STYXL2: variants seen among roughly 807,000 people sequenced by gnomAD.
The protein encoded by STYXL2 is serine/threonine/tyrosine-interacting-like protein 2.
Under a neutral mutation model 52.4 loss-of-function variants are expected in STYXL2, and 44 were observed. The observed-to-expected ratio is 0.84, with a 90% CI of 0.66 to 1.08. The LOEUF (loss-of-function observed/expected upper bound fraction) is 1.08. Ranked by LOEUF, STYXL2 falls within the 50% of genes least tolerant of loss-of-function variation. STYXL2 has a pLI of 0.00. For missense variants in STYXL2, 1,604 were observed against 1,471.7 expected (o/e 1.09, Z -1.47); for synonymous variants, 604 against 586.9 (o/e 1.03, Z -0.42).
Position 167,125,967 on chromosome 1 carries a change from TGGA to T in STYXL2, c.841_843del (p.Glu281del). 3 of 1,613,366 alleles carry T rather than the reference TGGA, an allele frequency of 1.9e-6. No homozygotes were observed. Among genetic ancestry groups the T allele is most frequent in the Non-Finnish European group, 2.5e-6 (3 of 1,179,820 alleles). ...CTGCGGGAGCTCAATGAGAAGTTGATGGAGGAGAGAGAAGAGGACTATGGCCGG... is the reference window on the plus strand; with the variant it reads ...CTGCGGGAGCTCAATGAGAAGTTGATGGAGAGAGAAGAGGACTATGGCCGG... On this transcript the variant is annotated inframe_deletion, in exon 6 of 6. Transcript: ENST00000361200.
intron 2 of STYXL2, among the ~76,000 whole-genome samples, chr1:167,096,666 C>T (rs1008675197): frequency 6.6e-6 from 1 of 152,150 alleles, no homozygotes; most frequent in Non-Finnish European, 1.5e-5. Context: ...CATATTCTAT[C>T]GTCTAGAACT....
chr1:167,105,129 C>T (rs1341943656), intron 2 of STYXL2, among the ~76,000 whole-genome samples: 1 of 151,620 alleles, frequency 6.6e-6, no homozygotes, highest in Non-Finnish European at 1.5e-5. Context: ...TGCCTTCCTT[C>T]CCTCCCTCCC....
At chr1:167,122,458 T>G (rs911879535) in intron 5 of STYXL2, among the ~76,000 whole-genome samples, 3 of 151,960 alleles carry the variant, frequency 2.0e-5, no homozygotes, top group African/African-American at 7.3e-5. Context: ...GTACCCTGAG[T>G]TCCATCAGCA....
In STYXL2 at chr1:167,127,186, C is replaced by T. The variant is rs773833411; in HGVS notation, c.2055C>T (p.Arg685=). ...CAGTACTGAGCACCCAGAGCCACCG[C>T]TCCCACCTGTCTCAGGCTGCAAGCA... is the stretch of plus-strand genomic sequence containing the variant. ...TTSVLSTQSH[R]SHLSQAASNI... Residue 685 remains arginine (R), a synonymous_variant, in exon 6 of 6, where the codon CGC becomes CGT. Transcript: ENST00000361200. 4.3e-6 allele frequency: 7 copies of T among 1,614,176 alleles called. No individual in the cohort carries two copies. In the East Asian group the frequency reaches 1.1e-4, roughly 26 times the overall value.
intron 5 of STYXL2, among the ~76,000 whole-genome samples, chr1:167,122,634 C>A (rs1667881193): frequency 6.6e-6 from 1 of 152,016 alleles, no homozygotes; most frequent in Non-Finnish European, 1.5e-5. Flanking sequence ...CTGATGCTCT[C>A]CCCAGTAGCT....
chr1:167,127,554 C>G lies in STYXL2; in HGVS notation c.2423C>G (p.Pro808Arg), dbSNP rs781424729. The G allele has an allele frequency of 1.2e-6, 2 of 1,613,908 alleles. No homozygotes were observed. Among genetic ancestry groups the G allele is most frequent in the African/African-American group, 2.7e-5 (2 of 74,888 alleles). Reference protein sequence around the residue: ...VLSCNTTLSSPAESCRSKVRG... With the variant: ...VLSCNTTLSSRAESCRSKVRG... ...TCCTGCAACACCACACTGAGCTCAC[C>G]CGCGGAAAGTTGCAGAAGCAAAGTG... is the stretch of plus-strand genomic sequence containing the variant. The change falls in exon 6 of 6, where the codon CCC becomes CGC. Residue 808 changes from proline to arginine, a missense_variant. Transcript: ENST00000361200.
chr1:167,122,060 G>A (rs1225549345), intron 5 of STYXL2, among the ~76,000 whole-genome samples: 3 of 152,118 alleles, frequency 2.0e-5, no homozygotes, highest in Non-Finnish European at 4.4e-5. Flanking sequence ...ATCACAAAGA[G>A]CCTATGAGGG....
Position 167,128,022 on chromosome 1 carries a change from G to A in STYXL2, c.2891G>A (p.Arg964Lys), listed in dbSNP as rs769537426. ...GGAAGTTCCAGAGGGAAGTACACCA[G>A]ATCGTCCCTGCTCAGGGAGACAGAG... Reference protein sequence around the residue: ...WSGSSRGKYTRSSLLRETESK... With the variant: ...WSGSSRGKYTKSSLLRETESK... Residue 964 changes from arginine to lysine, a missense_variant, in exon 6 of 6, where the codon AGA (arginine) becomes AAA (lysine). By Grantham distance (26) the Arg-to-Lys change is conservative. Transcript: ENST00000361200. The A allele has an allele frequency of 2.0e-5, 32 of 1,614,084 alleles. No individual in the cohort carries two copies. Among genetic ancestry groups the A allele is most frequent in the Non-Finnish European group, 2.6e-5 (31 of 1,180,046 alleles).
At position 167,129,004 on chromosome 1, in the gene STYXL2, A is replaced by G. The variant is rs747121932; in HGVS notation, c.*396A>G. On this transcript the variant is annotated 3_prime_UTR_variant, in exon 6 of 6. Transcript: ENST00000361200. ...GAACATAGGACACGCTTCTGTCTGT[A>G]GAGGCTTCATATGAGACCCAGAAAG... 8.6e-5 allele frequency: 15 copies of G among 174,200 alleles called. No homozygotes were observed. Among genetic ancestry groups the G allele is most frequent in the Non-Finnish European group, 1.5e-4 (12 of 81,234 alleles). 10.8% of individuals were successfully genotyped at this position (174,200 alleles called of 1,614,324 possible). A position where few individuals can be genotyped will look rare whatever the true frequency, so the allele number is the denominator to read the frequency against.
chr1:167,127,492 C>G lies in STYXL2; in HGVS notation c.2361C>G (p.Ser787Arg), dbSNP rs1558028573. 1 of 1,613,946 alleles carries G rather than the reference C, an allele frequency of 6.2e-7. No individual in the cohort carries two copies. The highest frequency in any genetic ancestry group is 8.5e-7 in the Non-Finnish European group (1 of 1,180,018). The part of the protein sequence containing the change: ...SSLGGCLLPQ[S>R]QARPSSDMQS... Reference sequence around the variant, plus strand: ...TGGGTGGCTGCCTGTTGCCTCAGAGCCAGGCAAGACCCAGCTCTGACATGC... The same window carrying G: ...TGGGTGGCTGCCTGTTGCCTCAGAGGCAGGCAAGACCCAGCTCTGACATGC... Residue 787 changes from serine (S) to arginine (R), a missense_variant, in exon 6 of 6, where the codon AGC (serine) becomes AGG (arginine). By Grantham distance (110) the Ser-to-Arg change is moderately radical. Coordinates refer to ENST00000361200, the MANE Select transcript of STYXL2 (RefSeq NM_001080426.3).
At chr1:167,113,826 T>G in intron 3 of STYXL2, 22 bp downstream of exon 3, 1 of 1,593,862 alleles carries the variant, frequency 6.3e-7, no homozygotes, top group South Asian at 1.1e-5. Flanking sequence ...AAAAGCTGGG[T>G]GGAAGCAAAG....
At chr1:167,116,814 G>T (rs1213344891) in intron 3 of STYXL2, among the ~76,000 whole-genome samples, 1 of 151,998 alleles carries the variant, frequency 6.6e-6, no homozygotes, top group Admixed American at 6.6e-5. Context: ...ACCACGCTTG[G>T]CTAATTTTGT....
intron 2 of STYXL2, among the ~76,000 whole-genome samples, chr1:167,095,992 TCTC>T (rs1667278600): frequency 6.6e-6 from 1 of 152,020 alleles, no homozygotes; most frequent in Admixed American, 6.6e-5. Flanking sequence ...CTTAGAGACT[TCTC>T]CTTTAAAATT....
chr1:167,120,829 CATATATATATATATATATAT>C (rs71587032), intron 5 of STYXL2, among the ~76,000 whole-genome samples: 2,222 of 114,972 alleles, frequency 0.019, 64 homozygotes, highest in African/African-American at 0.03. Context: ...GTGTAAATTA[CATATATATATATATATATAT>C]ATATATATAT....
chr1:167,107,157 G>C (rs983997730), intron 2 of STYXL2, among the ~76,000 whole-genome samples: 1 of 152,148 alleles, frequency 6.6e-6, no homozygotes, highest in Non-Finnish European at 1.5e-5. Flanking sequence ...GGCCTTTCTA[G>C]CTTGGTGTTC....
In STYXL2 at chr1:167,127,743, A is replaced by T; in HGVS notation, c.2612A>T (p.Lys871Met). Reference sequence around the variant, plus strand: ...AACAAACGCAGCTCCCTCTTCAAGAAGAAGAAGGTCAAGGAAGATGAGGAT... The same window carrying T: ...AACAAACGCAGCTCCCTCTTCAAGATGAAGAAGGTCAAGGAAGATGAGGAT... ...SDNKRSSLFKKKKVKEDEDDG... is the reference protein window; with the variant it reads ...SDNKRSSLFKMKKVKEDEDDG... The change falls in exon 6 of 6, where the codon AAG becomes ATG. Residue 871 changes from lysine to methionine, a missense_variant. Lys to Met is a moderately conservative substitution (Grantham distance 95, BLOSUM62 -1). Coordinates refer to ENST00000361200, the MANE Select transcript of STYXL2 (RefSeq NM_001080426.3). 1.2e-6 allele frequency: 2 copies of T among 1,614,042 alleles called. No individual in the cohort carries two copies. The highest frequency in any genetic ancestry group is 4.5e-5 in the East Asian group (2 of 44,856).
chr1:167,127,220 G>C lies in STYXL2; in HGVS notation c.2089G>C (p.Gly697Arg). 1.2e-6 allele frequency: 2 copies of C among 1,614,150 alleles called. No individual in the cohort carries two copies. Among genetic ancestry groups the C allele is most frequent in the Non-Finnish European group, 1.7e-6 (2 of 1,180,012 alleles). Residue 697 changes from glycine (G) to arginine (R), a missense_variant, in exon 6 of 6, where the codon GGG becomes CGG. Coordinates refer to ENST00000361200, the MANE Select transcript of STYXL2 (RefSeq NM_001080426.3). ...GTCTCAGGCTGCAAGCAACATAGCG[G>C]GGTGTTCAACCTCCAACCCCACCAC... ...HLSQAASNIA[G>R]CSTSNPTTPL...
chr1:167,127,873 C>T lies in STYXL2; in HGVS notation c.2742C>T (p.Ser914=), dbSNP rs371496187. 14 of 1,614,018 alleles carry T rather than the reference C, an allele frequency of 8.7e-6. No homozygotes were observed. The highest frequency in any genetic ancestry group is 3.3e-5 in the Admixed American group (2 of 60,018). Residue 914 remains serine (S), a synonymous_variant, in exon 6 of 6, where the codon TCC becomes TCT. Transcript: ENST00000361200. ...SQKPETDTCS[S]LAVCDHYASG... ...AACCTGAAACAGACACATGCTCCTC[C>T]CTGGCTGTCTGTGATCACTATGCAA...
Position 167,119,340 on chromosome 1 carries a change from G to C in STYXL2, c.529G>C (p.Glu177Gln). ...AHGTGVYTGPEFYTGLEIQYL... is the reference protein window; with the variant it reads ...AHGTGVYTGPQFYTGLEIQYL... Reference sequence around the variant, plus strand: ...TGGCACCGGCGTTTACACTGGCCCCGAATTCTACACTGGCCTGGAGATCCA... The same window carrying C: ...TGGCACCGGCGTTTACACTGGCCCCCAATTCTACACTGGCCTGGAGATCCA... Residue 177 changes from glutamate to glutamine, a missense_variant, in exon 5 of 6, where the codon GAA (glutamate) becomes CAA (glutamine). By Grantham distance (29) the Glu-to-Gln change is conservative. Coordinates refer to ENST00000361200, the MANE Select transcript of STYXL2 (RefSeq NM_001080426.3). 1 of 1,614,222 alleles carries C rather than the reference G, an allele frequency of 6.2e-7. No homozygotes were observed. Among genetic ancestry groups the C allele is most frequent in the Non-Finnish European group, 8.5e-7 (1 of 1,180,032 alleles).
Sources: gnomAD v4.1 joint callset for allele counts (sites outside exome capture counted in the v4.1 genomes callset) on GRCh38, gnomAD v4.1.1 for gene constraint, MANE v1.5 for transcripts, NCBI Gene and HGNC (gene_info 2026-07-23, HGNC 2026-07-21) for gene names.